Variants in KMT5C observed in about 807,000 individuals in gnomAD.
KMT5C encodes the protein histone-lysine N-methyltransferase KMT5C.
KMT5C carries 16 observed loss-of-function variants against 38.2 expected under a neutral mutation model. That is an observed-to-expected ratio of 0.42 (90% confidence interval 0.28 to 0.64). KMT5C has a LOEUF of 0.64. KMT5C is among the 30% of genes least tolerant of loss of function. The pLI, the probability that KMT5C is intolerant of heterozygous loss-of-function variation, is 0.23. For synonymous variants in KMT5C, 291 were observed against 279.0 expected (o/e 1.04, Z -0.43); for missense variants, 598 against 665.1 (o/e 0.90, Z 1.11).
chr19:55,347,383 C>T lies in KMT5C; in HGVS notation c.1323C>T (p.Pro441=). Residue 441 remains proline (P), a synonymous_variant, in exon 9 of 9, where the codon CCC becomes CCT. Coordinates refer to ENST00000255613, the MANE Select transcript of KMT5C (RefSeq NM_032701.4). This position sits in a 1 kb window ranked among gnomAD's most constrained non-coding sequence, Gnocchi z 4.6. ...QALAFAPFSP[P]KRLRLVVSHG... Reference sequence around the variant, plus strand: ...TCGCCTTCGCCCCCTTCTCCCCACCCAAGCGCCTACGGCTGGTGGTCAGCC... The same window carrying T: ...TCGCCTTCGCCCCCTTCTCCCCACCTAAGCGCCTACGGCTGGTGGTCAGCC... The T allele has an allele frequency of 6.3e-7, 1 of 1,585,126 alleles. No homozygotes were observed. Among genetic ancestry groups the T allele is most frequent in the Non-Finnish European group, 8.5e-7 (1 of 1,171,724 alleles).
Position 55,343,953 on chromosome 19 carries a change from T to C in KMT5C, c.551-25T>C. 1 of 1,611,512 alleles carries C rather than the reference T, an allele frequency of 6.2e-7. No homozygotes were observed. Among genetic ancestry groups the C allele is most frequent in the Non-Finnish European group, 8.5e-7 (1 of 1,178,010 alleles). ...CTGCCGAGCTCATCTACCTCTCTTC[T>C]CTCTCCTGCCCCAACTGGCTCCAGA... On this transcript the variant is annotated intron_variant, in intron 5 of 8. Transcript: ENST00000255613. This position sits in a 1 kb window ranked among gnomAD's most constrained non-coding sequence, Gnocchi z 5.5.
chr19:55,342,151 C>A, intron 2 of KMT5C, 64 bp from the exon 3 acceptor site: 2 of 1,590,646 alleles, frequency 1.3e-6, no homozygotes, highest in Non-Finnish European at 1.7e-6. Context: ...CCCCTCAGCT[C>A]CAAGTGGGGG....
intron 6 of KMT5C, chr19:55,344,756 T>C (rs1355352189): frequency 1.9e-6 from 1 of 528,072 alleles, no homozygotes. Flanking sequence ...GGTTGTCCTG[T>C]AGCCCGGAAG....
chr19:55,342,187 T>C (rs2089565296), intron 2 of KMT5C, 28 bp from the exon 3 acceptor site: 2 of 1,604,394 alleles, frequency 1.2e-6, no homozygotes, highest in African/African-American at 1.3e-5. Context: ...GGGAAGGCCC[T>C]GGGACCCAGG....
chr19:55,344,022 G>A (rs574344376), intron 6 of KMT5C, 25 bp downstream of exon 6: 3 of 1,608,346 alleles, frequency 1.9e-6, no homozygotes, highest in Non-Finnish European at 1.7e-6. Flanking sequence ...CTCGGGAGGA[G>A]AGGGCACGCA....
At position 55,347,166 on chromosome 19, in the gene KMT5C, G is replaced by C. The variant is rs776763219; in HGVS notation, c.1106G>C (p.Arg369Pro). The C allele has an allele frequency of 6.5e-7, 1 of 1,536,452 alleles. No individual in the cohort carries two copies. Among genetic ancestry groups the C allele is most frequent in the Non-Finnish European group, 8.7e-7 (1 of 1,146,924 alleles). The change falls in exon 9 of 9, where the codon CGA becomes CCA. Residue 369 changes from arginine (R) to proline (P), a missense_variant. Arg to Pro is a moderately radical substitution (Grantham distance 103). Coordinates refer to ENST00000255613, the MANE Select transcript of KMT5C (RefSeq NM_032701.4). This position sits in a 1 kb window ranked among gnomAD's most constrained non-coding sequence, Gnocchi z 4.6. ...WGGCGPHCRL[R>P]GEALVALGQP... is the part of the protein sequence containing the mutation. ...GGCTGTGGCCCCCACTGCCGCCTGC[G>C]AGGAGAGGCCCTGGTGGCCCTGGGC...
intron 1 of KMT5C, among the ~76,000 whole-genome samples, chr19:55,341,166 T>C (rs1288590961): frequency 1.3e-5 from 2 of 152,198 alleles, no homozygotes; most frequent in African/African-American, 4.8e-5. Flanking sequence ...TTTGTAAATA[T>C]TGACCTGTGC....
Position 55,347,113 on chromosome 19 carries a change from T to C in KMT5C, c.1053T>C (p.Ala351=). 1 of 1,551,080 alleles carries C rather than the reference T, an allele frequency of 6.4e-7. No homozygotes were observed. The stretch of plus-strand genomic sequence containing the variant: ...CCCCAGTGCTCTCCACCCACCACGC[T>C]GCCCGCGTCTCCCTGCACCGATGGG... ...RRAPVLSTHH[A]ARVSLHRWGG... is the part of the protein sequence containing the mutation. Residue 351 remains alanine, a synonymous_variant, in exon 9 of 9, where the codon GCT becomes GCC. Coordinates refer to ENST00000255613, the MANE Select transcript of KMT5C (RefSeq NM_032701.4). This position sits in a 1 kb window ranked among gnomAD's most constrained non-coding sequence, Gnocchi z 4.6.
chr19:55,343,664 C>T lies in KMT5C; in HGVS notation c.387-16C>T, dbSNP rs1251027343. On this transcript the variant is annotated splice_polypyrimidine_tract_variant and intron_variant, in intron 4 of 8. Coordinates refer to ENST00000255613, the MANE Select transcript of KMT5C (RefSeq NM_032701.4). The surrounding 1 kb of genome is among the most constrained non-coding windows in gnomAD (Gnocchi z 5.5). ...CCAGGCATCGCCCACAGCCCTGCCCCCTGGCCTCTTGGCAGGAAAAAGAAT... is the reference window on the plus strand; with the variant it reads ...CCAGGCATCGCCCACAGCCCTGCCCTCTGGCCTCTTGGCAGGAAAAAGAAT... 15 of 1,551,122 alleles carry T rather than the reference C, an allele frequency of 9.7e-6. No individual in the cohort carries two copies. Among genetic ancestry groups the T allele is most frequent in the Middle Eastern group, 1.8e-4 (1 of 5,662 alleles).
In KMT5C at chr19:55,346,106, C is replaced by T. The variant is rs889991840; in HGVS notation, c.571-107C>T. 3.2e-5 allele frequency: 44 copies of T among 1,382,134 alleles called. 1 individual carries two copies. Among genetic ancestry groups the T allele is most frequent in the Admixed American group, 4.0e-5 (2 of 50,372 alleles). The allele number at this position is 1,382,134 out of a possible 1,614,324, so 85.6% of individuals were successfully genotyped here. On this transcript the variant is annotated intron_variant, in intron 6 of 8. Coordinates refer to ENST00000255613, the MANE Select transcript of KMT5C (RefSeq NM_032701.4). The stretch of plus-strand genomic sequence containing the variant: ...ACTTTTAGGGGCTCAGCTGTTGCCC[C>T]ATTCCAGGAGAGGACGCTCCGGGCC...
chr19:55,345,257 G>A (rs1041071280), intron 6 of KMT5C: 1 of 361,720 alleles, frequency 2.8e-6, no homozygotes, highest in African/African-American at 2.1e-5. Context: ...AGCAGGACAC[G>A]GCACACCAGA....
intron 6 of KMT5C, among the ~76,000 whole-genome samples, chr19:55,345,900 G>T (rs1179991179): frequency 1.3e-5 from 2 of 152,178 alleles, no homozygotes; most frequent in Non-Finnish European, 2.9e-5. Context: ...GAGGAGGTGG[G>T]GCTTGGCACG....
chr19:55,344,361 C>CAA (rs909444379), intron 6 of KMT5C: 974 of 160,422 alleles, frequency 6.1e-3, no homozygotes, highest in South Asian at 0.012. Context: ...GACTCTGTCT[C>CAA]AAAAAAAAAA....
rs2089569688 is a variant in KMT5C at position 55,342,386 on chromosome 19, G to A, written c.276+6G>A. 3 of 1,492,352 alleles carry A rather than the reference G, an allele frequency of 2.0e-6. No individual in the cohort carries two copies. Among genetic ancestry groups the A allele is most frequent in the Non-Finnish European group, 2.7e-6 (3 of 1,122,210 alleles). 92.4% of individuals were successfully genotyped at this position (1,492,352 alleles called of 1,614,324 possible). On this transcript the variant is annotated splice_donor_region_variant and intron_variant, in intron 3 of 8. Coordinates refer to ENST00000255613, the MANE Select transcript of KMT5C (RefSeq NM_032701.4). ...AGGCTGCCCTCAAGACCCACGTGAG[G>A]GCGCCCTCCCCTCCCCCGCCCTCAC...
intron 6 of KMT5C, chr19:55,345,269 G>C: frequency 2.8e-6 from 1 of 356,284 alleles, no homozygotes; most frequent in Non-Finnish European, 5.5e-6. Flanking sequence ...CACACCAGAG[G>C]GCTGGGGGTG....
At chr19:55,340,373 G>C (rs1002729691) in intron 1 of KMT5C, among the ~76,000 whole-genome samples, 2 of 150,734 alleles carry the variant, frequency 1.3e-5, no homozygotes, top group Middle Eastern at 3.5e-3. Flanking sequence ...TGCACTCCCA[G>C]GGCCAATCCC....
chr19:55,341,628 G>T, intron 1 of KMT5C, 166 bp from the exon 2 acceptor site: 2 of 426,590 alleles, frequency 4.7e-6, no homozygotes, highest in Non-Finnish European at 8.6e-6. Flanking sequence ...GCATGTGGGG[G>T]TTGTGTGTTT....
intron 1 of KMT5C, among the ~76,000 whole-genome samples, chr19:55,341,188 A>G (rs1003922290): frequency 3.9e-5 from 6 of 151,940 alleles, no homozygotes; most frequent in Non-Finnish European, 8.8e-5. Context: ...GCCTCCCCAT[A>G]GTCTTCCTTT....
In KMT5C at chr19:55,343,428, G is replaced by T; in HGVS notation, c.387-252G>T. On this transcript the variant is annotated intron_variant, in intron 4 of 8. Transcript: ENST00000255613. The surrounding 1 kb of genome is among the most constrained non-coding windows in gnomAD (Gnocchi z 5.5). The stretch of plus-strand genomic sequence containing the variant: ...ATGAGAGCGAGGGGAGAGAATGGGG[G>T]CTGTATCTGCTGTGTGCGTGCTGCC... The T allele has an allele frequency of 3.6e-6, 2 of 549,116 alleles. No individual in the cohort carries two copies. The highest frequency in any genetic ancestry group is 2.2e-5 in the South Asian group (1 of 45,042). The allele number at this position is 549,116 out of a possible 1,614,324, so 34.0% of individuals were successfully genotyped here.
Sources: gnomAD v4.1 joint callset for allele counts (sites outside exome capture counted in the v4.1 genomes callset) on GRCh38, gnomAD v4.1.1 for gene constraint, Gnocchi (gnomAD v3.1) non-coding constraint, MANE v1.5 for transcripts, NCBI Gene and HGNC (gene_info 2026-07-23, HGNC 2026-07-21) for gene names.